PRR16: variants seen among roughly 807,000 people sequenced by gnomAD.
The protein encoded by PRR16 is protein Largen.
In PRR16, 6 loss-of-function variants were observed where a neutral mutation model predicts 18.2. The ratio of observed to expected loss-of-function variants is 0.33; its 90% CI spans 0.18 to 0.65. The LOEUF is 0.65. PRR16 is among the 30% of genes least tolerant of loss of function. The pLI is 0.74. For missense variants in PRR16, 412 were observed against 376.6 expected (o/e 1.09, Z -0.78); for synonymous variants, 151 against 147.8 (o/e 1.02, Z -0.16).
rs530837400 is a variant in PRR16 at position 120,574,997 on chromosome 5, A to G, written c.159+110352A>G. ...TCTAGAAATAGGTGAGTGCATTTCA[A>G]TAAGGTGTTTTGAGAGAGAGAAATC... is the stretch of plus-strand genomic sequence containing the variant. On this transcript the variant is annotated intron_variant, in intron 1 of 1. Coordinates refer to ENST00000407149, the MANE Select transcript of PRR16 (RefSeq NM_001300783.2). Among the ~76,000 whole-genome samples, 4 of 148,930 alleles carry G rather than the reference A, an allele frequency of 2.7e-5. No individual in the cohort carries two copies. The South Asian group carries it at 6.2e-4, about 23-fold the overall frequency.
chr5:120,676,820 A>G (rs1756814997), intron 1 of PRR16, among the ~76,000 whole-genome samples: 2 of 152,126 alleles, frequency 1.3e-5, no homozygotes, highest in Non-Finnish European at 2.9e-5. Context: ...TTCCCTTTGG[A>G]AAAAAGCATT....
At chr5:120,671,641 A>G (rs1756609218) in intron 1 of PRR16, among the ~76,000 whole-genome samples, 1 of 152,192 alleles carries the variant, frequency 6.6e-6, no homozygotes, top group Non-Finnish European at 1.5e-5. Context: ...CATTTTGCTC[A>G]GTATCTGAGA....
the PRR16 span, among the ~76,000 whole-genome samples, chr5:120,753,148 T>C: frequency 6.6e-6 from 1 of 151,964 alleles, no homozygotes; most frequent in African/African-American, 2.4e-5. Context: ...ACAAAGTAGA[T>C]TTGGAGGGAA....
chr5:120,714,834 T>G, the PRR16 span, among the ~76,000 whole-genome samples: 1 of 152,172 alleles, frequency 6.6e-6, no homozygotes, highest in Non-Finnish European at 1.5e-5. Context: ...TCATGTACTT[T>G]GCAGGGACAT....
chr5:120,663,266 G>T (rs148821944), intron 1 of PRR16, among the ~76,000 whole-genome samples: 2 of 151,682 alleles, frequency 1.3e-5, no homozygotes, highest in East Asian at 1.9e-4. Flanking sequence ...TGCCTTCTTA[G>T]TTTTTTTGGT....
intron 1 of PRR16, among the ~76,000 whole-genome samples, chr5:120,627,389 A>C (rs1164579062): frequency 1.3e-5 from 2 of 152,120 alleles, no homozygotes; most frequent in East Asian, 3.8e-4. Flanking sequence ...TTTAACAGTT[A>C]TATTACTATC....
At chr5:120,628,564 G>A (rs1448288672) in intron 1 of PRR16, among the ~76,000 whole-genome samples, 1 of 152,046 alleles carries the variant, frequency 6.6e-6, no homozygotes, top group Non-Finnish European at 1.5e-5. Flanking sequence ...GTAGGTAAGA[G>A]AGATTAGATT....
At chr5:120,511,307 T>C (rs1430475749) in intron 1 of PRR16, among the ~76,000 whole-genome samples, 1 of 152,176 alleles carries the variant, frequency 6.6e-6, no homozygotes, top group Non-Finnish European at 1.5e-5. Context: ...ACCCATATTT[T>C]TGGGCCAAAA....
chr5:120,775,963 A>T, the PRR16 span, among the ~76,000 whole-genome samples: 940 of 151,850 alleles, frequency 6.2e-3, 13 homozygotes, highest in African/African-American at 0.022. Flanking sequence ...TATAAATCTA[A>T]CCAGCTTACT....
the PRR16 span, among the ~76,000 whole-genome samples, chr5:120,739,543 G>A: frequency 1.3e-5 from 2 of 151,962 alleles, no homozygotes; most frequent in African/African-American, 4.8e-5. Flanking sequence ...GGTAAAATTG[G>A]GACCAAAATG....
At chr5:120,737,106 T>G in the PRR16 span, among the ~76,000 whole-genome samples, 3 of 152,096 alleles carry the variant, frequency 2.0e-5, no homozygotes, top group Non-Finnish European at 4.4e-5. Flanking sequence ...TCCTTTTACT[T>G]TTTTTCTTTG....
chr5:120,477,815 C>T (rs905134000), intron 1 of PRR16, among the ~76,000 whole-genome samples: 7 of 152,106 alleles, frequency 4.6e-5, no homozygotes, highest in African/African-American at 1.7e-4. Flanking sequence ...CAGTAGTCGG[C>T]TGTTACAGGA....
At chr5:120,692,162 G>A (rs547044326), downstream of PRR16, among the ~76,000 whole-genome samples, 4 of 152,248 alleles carry the variant, frequency 2.6e-5, no homozygotes, top group South Asian at 4.1e-4. Flanking sequence ...GAACATCATC[G>A]TTTTCTGGAA....
rs535609326 is a variant in PRR16, at chr5:120,540,035, A to G, written c.159+75390A>G. Among the ~76,000 whole-genome samples the G allele has an allele frequency of 9.9e-5, 15 of 152,254 alleles. No individual in the cohort carries two copies. In the South Asian group the frequency reaches 2.3e-3, roughly 23 times the overall value. ...GGCTCATACCTGGGTAGAGCTTGCC[A>G]CGTTTTGAGTTTATTTTGAAACCAG... On this transcript the variant is annotated intron_variant, in intron 1 of 1. Transcript: ENST00000407149.
intron 1 of PRR16, among the ~76,000 whole-genome samples, chr5:120,510,314 A>G (rs939678351): frequency 6.6e-6 from 1 of 152,184 alleles, no homozygotes; most frequent in African/African-American, 2.4e-5. Context: ...ATAACATTCA[A>G]CGTGTTACAT....
chr5:120,593,518 C>G (rs1472545018), intron 1 of PRR16, among the ~76,000 whole-genome samples: 1 of 117,504 alleles, frequency 8.5e-6, no homozygotes, highest in Non-Finnish European at 1.9e-5. Context: ...AATACCCTAC[C>G]AAGAAAAAAA....
chr5:120,485,353 C>T (rs1227642665), intron 1 of PRR16, among the ~76,000 whole-genome samples: 3 of 152,118 alleles, frequency 2.0e-5, no homozygotes, highest in Non-Finnish European at 4.4e-5. Context: ...CTGTTTCAGA[C>T]ATTTTATTAA....
intron 1 of PRR16, among the ~76,000 whole-genome samples, chr5:120,654,608 G>A: frequency 6.6e-6 from 1 of 151,446 alleles, no homozygotes; most frequent in Admixed American, 6.6e-5. Context: ...AAAATAAGAA[G>A]GAATTTGAAA....
intron 1 of PRR16, among the ~76,000 whole-genome samples, chr5:120,493,188 G>T (rs1284316765): frequency 6.8e-6 from 1 of 147,364 alleles, no homozygotes; most frequent in Admixed American, 6.7e-5. Flanking sequence ...GTGTAAAATG[G>T]TTCTCTTTTC....
Sources: allele counts gnomAD v4.1 joint callset (sites outside exome capture counted in the v4.1 genomes callset), GRCh38; gene constraint gnomAD v4.1.1; transcripts MANE v1.5; gene names NCBI Gene and HGNC (gene_info 2026-07-23, HGNC 2026-07-21).